The following POU2AF3 variants were observed in gnomAD, a reference collection of about 807,000 sequenced individuals.
POU2AF3 encodes the protein POU class 2 homeobox associating factor 3, also known as cancer susceptibility candidate 13.
chr11:111,302,500 C>T, the POU2AF3 span, among the ~76,000 whole-genome samples: 1 of 152,118 alleles, frequency 6.6e-6, no homozygotes, highest in Non-Finnish European at 1.5e-5. Flanking sequence ...TGCTGCTGGG[C>T]CCTTACAGAT....
the POU2AF3 span, chr11:111,299,752 G>A: frequency 8.2e-7 from 1 of 1,225,284 alleles, no homozygotes; most frequent in Middle Eastern, 3.1e-4. Flanking sequence ...GAAGGGGAGA[G>A]TAGGAGCGGG....
the POU2AF3 span, chr11:111,304,823 C>T: frequency 3.4e-6 from 2 of 595,924 alleles, no homozygotes; most frequent in African/African-American, 1.9e-5. Flanking sequence ...AAGAATCTGG[C>T]TTACCTTATA....
the POU2AF3 span, chr11:111,306,328 A>C: frequency 2.3e-6 from 2 of 856,196 alleles, no homozygotes; most frequent in Non-Finnish European, 3.4e-6. Flanking sequence ...CAGAGTATAG[A>C]TCTCCATTCA....
At chr11:111,298,907 G>T in the POU2AF3 span, 15,811 of 1,097,776 alleles carry the variant, frequency 0.014, 122 homozygotes, top group Admixed American at 0.018. Context: ...AGCTGCTACG[G>T]GGGGAGCTAG....
chr11:111,299,198 TG>T, the POU2AF3 span: 1 of 971,314 alleles, frequency 1.0e-6, no homozygotes, highest in Non-Finnish European at 1.2e-6. Context: ...GGGGGATCCC[TG>T]CTGTCCAGCT....
chr11:111,306,649 C>A, the POU2AF3 span: 83 of 1,494,416 alleles, frequency 5.6e-5, no homozygotes, highest in Non-Finnish European at 7.1e-5. Flanking sequence ...TCTTTATATA[C>A]CTGATTGTGT....
chr11:111,308,630 A>G, the POU2AF3 span: 1 of 443,552 alleles, frequency 2.3e-6, no homozygotes, highest in Non-Finnish European at 3.8e-6. Context: ...CCTACTTTGT[A>G]TGCTCATAGT....
At chr11:111,299,449 C>G in the POU2AF3 span, 5 of 1,055,852 alleles carry the variant, frequency 4.7e-6, no homozygotes, top group Non-Finnish European at 4.6e-6. Context: ...CTACTCACTG[C>G]GGCTTTTCGG....
At chr11:111,299,862 G>T in the POU2AF3 span, 4 of 598,462 alleles carry the variant, frequency 6.7e-6, no homozygotes, top group Non-Finnish European at 9.8e-6. Context: ...GCGAGGGAGG[G>T]AGTTCCTCGG....
chr11:111,298,995 C>T, the POU2AF3 span: 3 of 998,690 alleles, frequency 3.0e-6, no homozygotes, highest in East Asian at 3.1e-4. Flanking sequence ...CTGCGCGGAC[C>T]CCGAGGGGCG....
At chr11:111,306,334 A>G in the POU2AF3 span, 4 of 969,960 alleles carry the variant, frequency 4.1e-6, no homozygotes, top group African/African-American at 6.7e-5. Flanking sequence ...ATAGATCTCC[A>G]TTCAAATCTG....
At chr11:111,306,533 C>T in the POU2AF3 span, 1 of 1,551,472 alleles carries the variant, frequency 6.4e-7, no homozygotes. Context: ...CAGAGATGCA[C>T]CCGGAGCCTT....
the POU2AF3 span, among the ~76,000 whole-genome samples, chr11:111,305,721 T>C: frequency 6.6e-6 from 1 of 152,356 alleles, no homozygotes; most frequent in African/African-American, 2.4e-5. Flanking sequence ...AAAGGAGTAA[T>C]GTTTACTGAT....
At chr11:111,299,729 G>C in the POU2AF3 span, 2 of 1,231,686 alleles carry the variant, frequency 1.6e-6, no homozygotes, top group African/African-American at 3.1e-5. Context: ...GAGGGGGTAG[G>C]GAGAGAGGGG....
At chr11:111,307,785 G>T in the POU2AF3 span, among the ~76,000 whole-genome samples, 8 of 152,330 alleles carry the variant, frequency 5.3e-5, no homozygotes, top group East Asian at 1.2e-3. Context: ...GGATTTTGTG[G>T]TTTCAGAACG....
chr11:111,298,825 G>GGCCGC, the POU2AF3 span: 5 of 852,674 alleles, frequency 5.9e-6, no homozygotes, highest in African/African-American at 1.7e-5. Context: ...GCGTACCCCA[G>GGCCGC]GCCCCCGCCC....
At chr11:111,298,875 G>C in the POU2AF3 span, 2 of 1,140,026 alleles carry the variant, frequency 1.8e-6, no homozygotes, top group Non-Finnish European at 2.2e-6. Context: ...GAGACACGCG[G>C]TGCGGACCCT....
the POU2AF3 span, chr11:111,306,368 A>G: frequency 7.4e-7 from 1 of 1,348,334 alleles, no homozygotes; most frequent in Non-Finnish European, 9.7e-7. Flanking sequence ...TTATGCAAAA[A>G]CCTGCCTTTT....
At chr11:111,308,474 A>G in the POU2AF3 span, 6 of 1,500,764 alleles carry the variant, frequency 4.0e-6, no homozygotes, top group South Asian at 4.0e-5. Flanking sequence ...GCATGGGTAT[A>G]TCTATTTTTC....
Sources: allele counts gnomAD v4.1 joint callset (sites outside exome capture counted in the v4.1 genomes callset), GRCh38; gene constraint gnomAD v4.1.1; transcripts MANE v1.5; gene names NCBI Gene and HGNC (gene_info 2026-07-23, HGNC 2026-07-21).